The following CALN1 variants were observed in gnomAD, a reference collection of about 807,000 sequenced individuals.
CALN1 encodes calneuron 1.
Under a neutral mutation model 30.6 loss-of-function variants are expected in CALN1, and 17 were observed. The ratio of observed to expected loss-of-function variants is 0.56; its 90% CI spans 0.38 to 0.83. The LOEUF (loss-of-function observed/expected upper bound fraction) is 0.83. CALN1 is among the 40% of genes least tolerant of loss of function. CALN1 has a pLI of 0.00. For synonymous variants in CALN1, 156 were observed against 131.4 expected (o/e 1.19, Z -1.28); for missense variants, 291 against 354.9 (o/e 0.82, Z 1.45).
rs185444740 is a variant in CALN1 at position 71,936,207 on chromosome 7, T to C, written c.501+87450A>G. ...GCTACATAAATCTACTGCTTAAAAA[T>C]AGATGAGTGGACTGGGCGCGGTGGC... On this transcript the variant is annotated intron_variant, in intron 5 of 6. Transcript: ENST00000395275. Among the ~76,000 whole-genome samples the C allele has an allele frequency of 2.6e-5, 4 of 152,080 alleles. No homozygotes were observed. In the East Asian group the frequency reaches 5.8e-4, roughly 22 times the overall value.
At chr7:72,359,323 C>T (rs1803419792) in intron 2 of CALN1, among the ~76,000 whole-genome samples, 1 of 152,152 alleles carries the variant, frequency 6.6e-6, no homozygotes, top group African/African-American at 2.4e-5. Context: ...TATTCAATAA[C>T]ACATCTCCCT....
At chr7:72,163,570 C>A (rs1161806401) in intron 3 of CALN1, among the ~76,000 whole-genome samples, 2 of 152,044 alleles carry the variant, frequency 1.3e-5, no homozygotes, top group East Asian at 3.9e-4. Flanking sequence ...GATGGAGAAC[C>A]TCTGCAGAGA....
At chr7:72,260,684 G>T (rs972935881) in intron 3 of CALN1, among the ~76,000 whole-genome samples, 2 of 151,998 alleles carry the variant, frequency 1.3e-5, no homozygotes, top group Non-Finnish European at 2.9e-5. Flanking sequence ...GTGGGTGCTG[G>T]CTAAGCCATT....
upstream of CALN1, among the ~76,000 whole-genome samples, chr7:72,449,709 A>G (rs1384755318): frequency 4.0e-5 from 6 of 151,764 alleles, no homozygotes; most frequent in Admixed American, 3.9e-4. Flanking sequence ...CGTCTCTACT[A>G]AAAAAACACA....
intron 5 of CALN1, among the ~76,000 whole-genome samples, chr7:71,924,470 C>A (rs1265989036): frequency 6.6e-6 from 1 of 151,926 alleles, no homozygotes; most frequent in African/African-American, 2.4e-5. Flanking sequence ...ATAAATAAAA[C>A]ACCTATGAAA....
rs74800240 is a variant in CALN1, at chr7:71,890,963, T to C, written c.502-80471A>G. Among the ~76,000 whole-genome samples, 7 of 152,116 alleles carry C rather than the reference T, an allele frequency of 4.6e-5. No homozygotes were observed. In the East Asian group the frequency reaches 1.4e-3, roughly 29 times the overall value. ...GGCTTTGCTATTTTGTTCAGCCTAG[T>C]TGCGAACTCCTGGGCTCAAGCAATC... On this transcript the variant is annotated intron_variant, in intron 5 of 6. Coordinates refer to ENST00000395275, the MANE Select transcript of CALN1 (RefSeq NM_031468.4).
intron 5 of CALN1, among the ~76,000 whole-genome samples, chr7:71,883,435 C>G (rs917336527): frequency 6.6e-6 from 1 of 152,148 alleles, no homozygotes; most frequent in Non-Finnish European, 1.5e-5. Context: ...AACTCAGTAG[C>G]ATTTTAAGCT....
At chr7:72,444,909 TTTCCC>T (rs1296128196) in intron 1 of CALN1, among the ~76,000 whole-genome samples, 2 of 152,116 alleles carry the variant, frequency 1.3e-5, no homozygotes, top group Non-Finnish European at 2.9e-5. Flanking sequence ...AGGCCATGCC[TTTCCC>T]ACCACCTTGT....
At chr7:72,177,324 AT>A (rs1789428374) in intron 3 of CALN1, among the ~76,000 whole-genome samples, 1 of 152,176 alleles carries the variant, frequency 6.6e-6, no homozygotes, top group African/African-American at 2.4e-5. Context: ...GAAATAAGAC[AT>A]CCCGGGCTAT....
intron 3 of CALN1, among the ~76,000 whole-genome samples, chr7:72,270,498 G>A (rs1258082294): frequency 6.6e-6 from 1 of 152,212 alleles, no homozygotes; most frequent in East Asian, 1.9e-4. Flanking sequence ...AAGGCTGGGT[G>A]TGGTGGCTCA....
intron 3 of CALN1, among the ~76,000 whole-genome samples, chr7:72,221,865 G>T (rs1476526560): frequency 2.0e-5 from 3 of 150,898 alleles, no homozygotes; most frequent in African/African-American, 7.3e-5. Flanking sequence ...CTCCAGCCTG[G>T]GTGACAGAGA....
At chr7:72,444,022 A>G (rs1808444006) in intron 1 of CALN1, among the ~76,000 whole-genome samples, 2 of 150,130 alleles carry the variant, frequency 1.3e-5, no homozygotes, top group African/African-American at 4.9e-5. Context: ...AAATTAATTA[A>G]TTAAAAAATT....
At chr7:72,195,771 T>G (rs1342758991) in intron 3 of CALN1, among the ~76,000 whole-genome samples, 5 of 152,180 alleles carry the variant, frequency 3.3e-5, no homozygotes, top group Admixed American at 3.3e-4. Flanking sequence ...GTGAAGGAAT[T>G]AATCAGTGGA....
intron 5 of CALN1, among the ~76,000 whole-genome samples, chr7:71,877,224 T>C (rs903290786): frequency 5.3e-5 from 8 of 152,168 alleles, no homozygotes; most frequent in Admixed American, 3.3e-4. Context: ...CTTAAATGTA[T>C]TAAAGACCAC....
At chr7:72,151,837 G>A (rs1787272621) in intron 3 of CALN1, among the ~76,000 whole-genome samples, 1 of 151,520 alleles carries the variant, frequency 6.6e-6, no homozygotes, top group Non-Finnish European at 1.5e-5. Flanking sequence ...TCAGCCTCCC[G>A]AGTAGCTGGG....
chr7:72,296,945 G>C (rs1198368100), intron 2 of CALN1, among the ~76,000 whole-genome samples: 1 of 151,354 alleles, frequency 6.6e-6, no homozygotes, highest in East Asian at 1.9e-4. Context: ...TTTTAATTGT[G>C]ATGTTAGGGT....
intron 5 of CALN1, among the ~76,000 whole-genome samples, chr7:71,979,413 G>A (rs1341998755): frequency 6.6e-6 from 1 of 152,146 alleles, no homozygotes; most frequent in Non-Finnish European, 1.5e-5. Flanking sequence ...GACAGTGACA[G>A]ATCATCAGGC....
At chr7:72,216,078 C>A (rs576432793) in intron 3 of CALN1, among the ~76,000 whole-genome samples, 14 of 152,112 alleles carry the variant, frequency 9.2e-5, no homozygotes, top group Non-Finnish European at 1.9e-4. Flanking sequence ...TTGATCTCAA[C>A]ATCTGCCTCC....
the CALN1 span, among the ~76,000 whole-genome samples, chr7:72,456,169 C>T: frequency 0.16 from 23,873 of 145,668 alleles, 2,120 homozygotes; most frequent in Non-Finnish European, 0.2. Flanking sequence ...GGCAACAGAG[C>T]GACACTCAGT....
Sources: gnomAD v4.1 joint callset for allele counts (sites outside exome capture counted in the v4.1 genomes callset) on GRCh38, gnomAD v4.1.1 for gene constraint, MANE v1.5 for transcripts, NCBI Gene and HGNC (gene_info 2026-07-23, HGNC 2026-07-21) for gene names.